Variants in DHX36 observed in about 807,000 individuals in gnomAD.
DHX36 encodes the protein ATP-dependent DNA/RNA helicase DHX36.
DHX36 carries 50 observed loss-of-function variants against 139.0 expected under a neutral mutation model. That is an observed-to-expected ratio of 0.36 (90% CI 0.29 to 0.46). The LOEUF is 0.46. Among genes scored for constraint, DHX36 ranks in the 20% least tolerant of loss-of-function variants. DHX36 has a pLI of 1.00. For missense variants in DHX36, 1,024 were observed against 1,211.3 expected (o/e 0.85, Z 2.29); for synonymous variants, 425 against 401.9 (o/e 1.06, Z -0.69).
At chr3:154,298,236 A>T (rs979739549) in intron 12 of DHX36, among the ~76,000 whole-genome samples, 1 of 152,198 alleles carries the variant, frequency 6.6e-6, no homozygotes, top group African/African-American at 2.4e-5. Flanking sequence ...TGATAACGTT[A>T]TATTTTGGTA....
chr3:154,319,473 T>G (rs1429302311), intron 1 of DHX36, among the ~76,000 whole-genome samples: 1 of 152,130 alleles, frequency 6.6e-6, no homozygotes, highest in Non-Finnish European at 1.5e-5. Flanking sequence ...GGTCCTCAGT[T>G]GGTTATCACC....
chr3:154,293,524 G>A (rs1008392145), intron 14 of DHX36, among the ~76,000 whole-genome samples: 1 of 152,208 alleles, frequency 6.6e-6, no homozygotes, highest in East Asian at 1.9e-4. Context: ...CAAGGCTGCA[G>A]TGAGCCATGA....
chr3:154,309,402 A>G (rs893480248), intron 5 of DHX36, among the ~76,000 whole-genome samples: 7 of 152,164 alleles, frequency 4.6e-5, no homozygotes, highest in African/African-American at 1.7e-4. Flanking sequence ...TATCTATTTC[A>G]TTCTTGTGAA....
Position 154,299,454 on chromosome 3 carries a change from G to C in DHX36, c.1549+384C>G, listed in dbSNP as rs112546411. On this transcript the variant is annotated intron_variant, in intron 12 of 24. Coordinates refer to ENST00000496811, the MANE Select transcript of DHX36 (RefSeq NM_020865.3). ...TTCATACAGGATCAAAATCACTTGA[G>C]GAATTTTTAACAACTTCAGATGTTC... Among the ~76,000 whole-genome samples the C allele has an allele frequency of 1.7e-3, 259 of 152,184 alleles. 2 individuals carry two copies. Among genetic ancestry groups the C allele is most frequent in the African/African-American group, 6.0e-3 (249 of 41,522 alleles).
intron 23 of DHX36, 98 bp downstream of exon 23, chr3:154,277,499 CA>C (rs200516212): frequency 2.9e-3 from 3,350 of 1,147,414 alleles, no homozygotes; most frequent in South Asian, 5.7e-3. Flanking sequence ...TAAGACACAA[CA>C]AAAAAAAAAT....
intron 4 of DHX36, among the ~76,000 whole-genome samples, chr3:154,310,931 TAAGTTTGAACACTG>T (rs1712738938): frequency 6.8e-6 from 1 of 147,616 alleles, no homozygotes; most frequent in African/African-American, 2.5e-5. Context: ...GAAAAAGTTT[TAAGTTTGAACACTG>T]AAATTATAGC....
At chr3:154,300,719 C>A (rs1186311136) in intron 10 of DHX36, 23 bp from the exon 11 acceptor site, 47 of 1,560,762 alleles carry the variant, frequency 3.0e-5, no homozygotes, top group Non-Finnish European at 3.9e-5. Context: ...AACACAAAGT[C>A]ATGAAATACT....
chr3:154,292,760 CAT>C (rs1380102926), intron 14 of DHX36, 66 bp from the exon 15 acceptor site: 59 of 1,330,906 alleles, frequency 4.4e-5, no homozygotes, highest in Non-Finnish European at 5.9e-5. Flanking sequence ...CACACACACA[CAT>C]CGAAAGCACT....
chr3:154,280,786 T>C lies in DHX36; in HGVS notation c.2453A>G (p.Asp818Gly), dbSNP rs1165415483. 2 of 1,613,648 alleles carry C rather than the reference T, an allele frequency of 1.2e-6. No homozygotes were observed. Among genetic ancestry groups the C allele is most frequent in the Non-Finnish European group, 8.5e-7 (1 of 1,179,764 alleles). The change falls in exon 21 of 25, where the codon GAT becomes GGT. Residue 818 changes from aspartate to glycine, a missense_variant. Physicochemically the swap from Asp to Gly is moderately conservative, Grantham distance 94. Coordinates refer to ENST00000496811, the MANE Select transcript of DHX36 (RefSeq NM_020865.3). ...AGFVSSRNPK[D>G]PESNINSDNE... ...ACCTGAATTTATATTAGATTCTGGA[T>C]CTTTAGGATTTCTACTGCTTACAAA...
At position 154,289,668 on chromosome 3, in the gene DHX36, A is replaced by ATG. The variant is rs1294213385; in HGVS notation, c.1932+40_1932+41insCA. On this transcript the variant is annotated intron_variant, in intron 16 of 24. Transcript: ENST00000496811. The stretch of plus-strand genomic sequence containing the variant: ...TTCTACAAAAGATGTTGAAAATGAG[A>ATG]TCACTTCCATTTAGTTTCTTCATTC... The ATG allele has an allele frequency of 4.4e-6, 5 of 1,128,494 alleles. No individual in the cohort carries two copies. In the South Asian group the frequency reaches 5.0e-5, roughly 11 times the overall value. 69.9% of individuals were successfully genotyped at this position (1,128,494 alleles called of 1,614,324 possible).
intron 12 of DHX36, among the ~76,000 whole-genome samples, chr3:154,299,293 G>A (rs1420223941): frequency 6.6e-6 from 1 of 152,088 alleles, no homozygotes; most frequent in East Asian, 1.9e-4. Flanking sequence ...ATTATATTCA[G>A]AACTGTAAAA....
At chr3:154,288,621 CA>C (rs1711654628) in intron 17 of DHX36, among the ~76,000 whole-genome samples, 1 of 151,690 alleles carries the variant, frequency 6.6e-6, no homozygotes, top group South Asian at 2.1e-4. Flanking sequence ...ATCAAGCCTA[CA>C]ATAAAAAAAA....
Position 154,289,822 on chromosome 3 carries a change from G to A in DHX36, c.1819C>T (p.Gln607Ter). 1 of 1,556,820 alleles carries A rather than the reference G, an allele frequency of 6.4e-7. No homozygotes were observed. Among genetic ancestry groups the A allele is most frequent in the South Asian group, 1.2e-5 (1 of 83,264 alleles). ...KQRKGRAGRVQPGHCYHLYNG... is the reference protein window; with the variant it reads ...KQRKGRAGRV ...TACAGATGATAGCAATGACCAGGTT[G>A]AACTCTTAAAAAAAAAACAAAACAA... The change falls in exon 16 of 25, where the codon CAA becomes TAA. Residue 607 changes from glutamine (Q) to a stop codon, truncating the protein, a stop_gained. Coordinates refer to ENST00000496811, the MANE Select transcript of DHX36 (RefSeq NM_020865.3). LOFTEE classifies it high-confidence loss of function.
chr3:154,315,059 T>C lies in DHX36; in HGVS notation c.590A>G (p.Tyr197Cys). 1.9e-6 allele frequency: 3 copies of C among 1,598,326 alleles called. No homozygotes were observed. Among genetic ancestry groups the C allele is most frequent in the Non-Finnish European group, 2.6e-6 (3 of 1,171,976 alleles). The change falls in exon 3 of 25, where the codon TAT becomes TGT. Residue 197 changes from tyrosine (Y) to cysteine (C), a missense_variant. By Grantham distance (194) the Tyr-to-Cys change is radical. Coordinates refer to ENST00000496811, the MANE Select transcript of DHX36 (RefSeq NM_020865.3). Reference sequence around the variant, plus strand: ...TCTTTCTACTACCTGCATTTCAATATACCGAAGGTCATTTTTTTTCTTTTG... The same window carrying C: ...TCTTTCTACTACCTGCATTTCAATACACCGAAGGTCATTTTTTTTCTTTTG... The part of the protein sequence containing the change: ...DLQKKKNDLR[Y>C]IEMQHFREKL...
intron 8 of DHX36, among the ~76,000 whole-genome samples, chr3:154,303,729 C>T (rs918419864): frequency 2.0e-5 from 3 of 152,124 alleles, no homozygotes; most frequent in Non-Finnish European, 2.9e-5. Flanking sequence ...TCATCATTAA[C>T]CCAGATGGTG....
intron 3 of DHX36, among the ~76,000 whole-genome samples, chr3:154,314,038 G>C (rs1440400834): frequency 6.6e-6 from 1 of 152,136 alleles, no homozygotes; most frequent in East Asian, 1.9e-4. Flanking sequence ...CTCTGAACTA[G>C]ATCAATCACC....
chr3:154,299,961 C>A (rs752363987), intron 11 of DHX36, 36 bp from the exon 12 acceptor site: 2 of 1,438,396 alleles, frequency 1.4e-6, no homozygotes, highest in Non-Finnish European at 2.0e-6. Context: ...CAAAGGATCA[C>A]ATCAACAAAA....
chr3:154,301,676 A>G (rs1243138900), intron 9 of DHX36, among the ~76,000 whole-genome samples: 1 of 152,200 alleles, frequency 6.6e-6, no homozygotes, highest in East Asian at 1.9e-4. Flanking sequence ...AGTTAATGGC[A>G]GATCCAGAAT....
At position 154,276,010 on chromosome 3, in the gene DHX36, A is replaced by G. The variant is rs535647169; in HGVS notation, c.*161T>C. 1 of 508,086 alleles carries G rather than the reference A, an allele frequency of 2.0e-6. No homozygotes were observed. The highest frequency in any genetic ancestry group is 3.6e-5 in the South Asian group (1 of 27,834). The allele number at this position is 508,086 out of a possible 1,614,324, so 31.5% of individuals were successfully genotyped here. On this transcript the variant is annotated 3_prime_UTR_variant, in exon 25 of 25. Transcript: ENST00000496811. ...TATATATATATATATATCTCTACATATAACATCAAGTCATGCACATTAAGT... is the reference window on the plus strand; with the variant it reads ...TATATATATATATATATCTCTACATGTAACATCAAGTCATGCACATTAAGT...
Sources: gnomAD v4.1 joint callset for allele counts (sites outside exome capture counted in the v4.1 genomes callset) on GRCh38, gnomAD v4.1.1 for gene constraint, MANE v1.5 for transcripts, NCBI Gene and HGNC (gene_info 2026-07-23, HGNC 2026-07-21) for gene names.